Variants in ABCA13 observed in about 807,000 individuals in gnomAD.
The protein encoded by ABCA13 is ATP-binding cassette sub-family A member 13.
Under a neutral mutation model 478.7 loss-of-function variants are expected in ABCA13, and 476 were observed. That is an observed-to-expected ratio of 0.99 (90% CI 0.92 to 1.07). The LOEUF is 1.07. Ranked by LOEUF, ABCA13 falls within the 50% of genes least tolerant of loss-of-function variation. ABCA13 has a pLI of 0.00. For missense variants in ABCA13, 6,060 were observed against 5,910.6 expected, an observed-to-expected ratio of 1.03 and a Z score of -0.83; for synonymous variants, 2,252 against 2,158.9, an observed-to-expected ratio of 1.04 and a Z score of -1.20.
intron 42 of ABCA13, 41 bp downstream of exon 42, chr7:48,427,912 A>T: frequency 7.5e-7 from 1 of 1,329,370 alleles, no homozygotes; most frequent in Admixed American, 2.2e-5. Context: ...CTGGAGGAAC[A>T]ATGACACCAG....
At chr7:48,405,718 AT>A (rs1481618945) in intron 39 of ABCA13, among the ~76,000 whole-genome samples, 1 of 152,188 alleles carries the variant, frequency 6.6e-6, no homozygotes, top group Non-Finnish European at 1.5e-5. Context: ...CTGACAGAAC[AT>A]TTTTGTAATG....
intron 31 of ABCA13, 41 bp downstream of exon 31, chr7:48,352,528 C>T: frequency 6.6e-7 from 1 of 1,508,276 alleles, no homozygotes; most frequent in Non-Finnish European, 8.9e-7. Flanking sequence ...GTGAGAAGGG[C>T]CTTGCATTTG....
chr7:48,384,648 GA>G (rs1215323800), intron 35 of ABCA13, among the ~76,000 whole-genome samples: 1 of 152,204 alleles, frequency 6.6e-6, no homozygotes, highest in Non-Finnish European at 1.5e-5. Flanking sequence ...TCTTCCTACA[GA>G]GGGATGGTTT....
chr7:48,355,504 A>T (rs1432209676), intron 31 of ABCA13, among the ~76,000 whole-genome samples: 1 of 152,004 alleles, frequency 6.6e-6, no homozygotes, highest in African/African-American at 2.4e-5. Context: ...AGCAGGAGTG[A>T]TGTCATCATC....
rs764254671 is a variant in ABCA13, at chr7:48,310,083, T to A, written c.9458T>A (p.Val3153Glu). The A allele has an allele frequency of 1.9e-6, 3 of 1,613,698 alleles. No homozygotes were observed. Among genetic ancestry groups the A allele is most frequent in the Non-Finnish European group, 2.5e-6 (3 of 1,179,758 alleles). The change falls in exon 24 of 62, where the codon GTG (valine) becomes GAG (glutamate). Residue 3153 changes from valine (V) to glutamate (E), a missense_variant. By Grantham distance (121) the Val-to-Glu change is moderately radical. Around this residue, in one of 3 missense-constraint regions of ABCA13, gnomAD observed 4,423 missense variants for 4,309.1 expected, o/e 1.03. Transcript: ENST00000435803. ...CTCTGTAGCCTGCCAGGGTCAAAAG[T>A]GTATTCTCTGATTGTGTTGCTGAGT... is the stretch of plus-strand genomic sequence containing the variant. ...EELCSLPGSKVYSLIVLLSRN... is the reference protein window; with the variant it reads ...EELCSLPGSKEYSLIVLLSRN...
intron 55 of ABCA13, among the ~76,000 whole-genome samples, chr7:48,529,533 C>T (rs954062388): frequency 6.6e-6 from 1 of 152,172 alleles, no homozygotes; most frequent in Admixed American, 6.5e-5. Context: ...CGACCTCCAG[C>T]TTTCTGTTCA....
chr7:48,468,107 G>A (rs1263229384), intron 44 of ABCA13, among the ~76,000 whole-genome samples: 2 of 151,034 alleles, frequency 1.3e-5, no homozygotes, highest in African/African-American at 4.9e-5. Context: ...TGGGATCAAA[G>A]AAGAACCAGT....
chr7:48,353,328 A>T (rs1809353033), intron 31 of ABCA13, among the ~76,000 whole-genome samples: 1 of 151,586 alleles, frequency 6.6e-6, no homozygotes, highest in African/African-American at 2.4e-5. Flanking sequence ...TGGATAATGT[A>T]GGTCATTCAT....
At chr7:48,179,956 A>G (rs1263106796) in intron 1 of ABCA13, among the ~76,000 whole-genome samples, 3 of 152,134 alleles carry the variant, frequency 2.0e-5, no homozygotes, top group East Asian at 3.9e-4. Context: ...GCTACAGAAA[A>G]TGAGCCAGGA....
At chr7:48,355,167 G>A (rs1290375781) in intron 31 of ABCA13, among the ~76,000 whole-genome samples, 5 of 150,762 alleles carry the variant, frequency 3.3e-5, no homozygotes, top group Non-Finnish European at 7.4e-5. Flanking sequence ...AGGAAGTGCC[G>A]TGGAGCTGGG....
At chr7:48,319,835 C>T (rs989256308) in intron 27 of ABCA13, among the ~76,000 whole-genome samples, 2 of 152,142 alleles carry the variant, frequency 1.3e-5, no homozygotes, top group Non-Finnish European at 2.9e-5. Flanking sequence ...AAATGAAAGA[C>T]TTGAGTAGAT....
intron 40 of ABCA13, among the ~76,000 whole-genome samples, chr7:48,412,068 A>C (rs1205287609): frequency 6.6e-6 from 1 of 152,134 alleles, no homozygotes; most frequent in African/African-American, 2.4e-5. Flanking sequence ...CATGAATACA[A>C]ACCTCTGGAG....
Position 48,276,181 on chromosome 7 carries a change from T to C in ABCA13, c.6515T>C (p.Leu2172Ser), listed in dbSNP as rs746074149. The C allele has an allele frequency of 1.9e-6, 3 of 1,591,362 alleles. No homozygotes were observed. Among genetic ancestry groups the C allele is most frequent in the South Asian group, 2.3e-5 (2 of 87,040 alleles). Residue 2172 changes from leucine (L) to serine (S), a missense_variant, in exon 17 of 62, where the codon TTA (leucine) becomes TCA (serine). Leu to Ser is a moderately radical substitution (Grantham distance 145, BLOSUM62 -2). Coordinates refer to ENST00000435803, the MANE Select transcript of ABCA13 (RefSeq NM_152701.5). ...AKAIATFWGS[L>S]KNISRAGNFD... The stretch of plus-strand genomic sequence containing the variant: ...GCTATTGCTACTTTTTGGGGCTCTT[T>C]AAAAAATATATCTAGAGCAGGCAAT...
At chr7:48,642,986 C>G (rs1024334021) in intron 59 of ABCA13, among the ~76,000 whole-genome samples, 8 of 152,174 alleles carry the variant, frequency 5.3e-5, no homozygotes, top group African/African-American at 1.9e-4. Context: ...CTTCCACTAG[C>G]TCAGGACTTT....
At chr7:48,194,312 T>G (rs1797637395) in intron 2 of ABCA13, among the ~76,000 whole-genome samples, 1 of 152,030 alleles carries the variant, frequency 6.6e-6, no homozygotes, top group African/African-American at 2.4e-5. Flanking sequence ...ATGATGATAA[T>G]GGAGATGATG....
intron 19 of ABCA13, among the ~76,000 whole-genome samples, chr7:48,284,753 C>G (rs1264374200): frequency 6.6e-6 from 1 of 152,070 alleles, no homozygotes; most frequent in East Asian, 1.9e-4. Flanking sequence ...CAAGGAAACT[C>G]AAGCATAACT....
chr7:48,606,378 G>T (rs1383787982), intron 58 of ABCA13, among the ~76,000 whole-genome samples: 1 of 152,226 alleles, frequency 6.6e-6, no homozygotes. Flanking sequence ...TTTGATGTTG[G>T]TGGCCTTCAG....
intron 41 of ABCA13, among the ~76,000 whole-genome samples, chr7:48,419,997 A>ATTTT (rs1820534205): frequency 6.6e-6 from 1 of 152,200 alleles, no homozygotes; most frequent in Non-Finnish European, 1.5e-5. Flanking sequence ...AGGCTATAAA[A>ATTTT]TGTCTGTCTC....
chr7:48,269,525 G>C (rs1349891125), intron 16 of ABCA13, among the ~76,000 whole-genome samples: 1 of 152,166 alleles, frequency 6.6e-6, no homozygotes, highest in African/African-American at 2.4e-5. Context: ...ATTTTCTGCT[G>C]TCCTATTTCA....
Sources: allele counts gnomAD v4.1 joint callset (sites outside exome capture counted in the v4.1 genomes callset), GRCh38; gene constraint gnomAD v4.1.1; regional missense constraint gnomAD v4.1.1; transcripts MANE v1.5; gene names NCBI Gene and HGNC (gene_info 2026-07-23, HGNC 2026-07-21).